Variants in SYNE2 observed in about 807,000 individuals in gnomAD.
SYNE2 encodes spectrin repeat containing nuclear envelope protein 2.
In SYNE2, 431 loss-of-function variants were observed where a neutral mutation model predicts 856.3. The observed-to-expected ratio is 0.50, with a 90% CI of 0.47 to 0.55. The LOEUF is 0.55. Among genes scored for constraint, SYNE2 ranks in the 20% least tolerant of loss-of-function variants. The pLI is 0.00. For missense variants in SYNE2, 8,129 were observed against 8,023.2 expected, an observed-to-expected ratio of 1.01 and a Z score of -0.50; for synonymous variants, 2,923 against 2,872.3, an observed-to-expected ratio of 1.02 and a Z score of -0.56.
intron 51 of SYNE2, among the ~76,000 whole-genome samples, chr14:64,070,018 C>A (rs1270826699): frequency 1.3e-5 from 2 of 152,078 alleles, no homozygotes; most frequent in Non-Finnish European, 1.5e-5. Flanking sequence ...GATTCAGGGG[C>A]CTTTGAGACT....
intron 1 of SYNE2, among the ~76,000 whole-genome samples, chr14:63,809,271 A>C (rs1235397783): frequency 1.3e-5 from 2 of 152,094 alleles, no homozygotes; most frequent in East Asian, 3.8e-4. Flanking sequence ...GTATTTTATC[A>C]AAATAATGCC....
intron 22 of SYNE2, 104 bp downstream of exon 22, chr14:63,994,073 C>G: frequency 1.7e-6 from 2 of 1,185,586 alleles, no homozygotes; most frequent in Non-Finnish European, 2.5e-6. Flanking sequence ...CGTTGTATCA[C>G]CAGTGGGCTG....
At chr14:63,809,643 G>A (rs1452575163) in intron 1 of SYNE2, among the ~76,000 whole-genome samples, 1 of 152,100 alleles carries the variant, frequency 6.6e-6, no homozygotes, top group Non-Finnish European at 1.5e-5. Context: ...GGGACTCTAG[G>A]CACATGCCAC....
intron 10 of SYNE2, among the ~76,000 whole-genome samples, chr14:63,965,119 G>T (rs870023): frequency 0.43 from 64,884 of 151,516 alleles, 14,820 homozygotes; most frequent in African/African-American, 0.59. Flanking sequence ...TCCGCCACCA[G>T]GCCCGGCTAA....
chr14:64,063,154 T>A (rs963887450), intron 50 of SYNE2, among the ~76,000 whole-genome samples: 1 of 152,182 alleles, frequency 6.6e-6, no homozygotes, highest in African/African-American at 2.4e-5. Context: ...AGTGATTTGA[T>A]TCTCCTGCCT....
chr14:63,895,132 GTC>G (rs1176592981), intron 1 of SYNE2, among the ~76,000 whole-genome samples: 3 of 147,778 alleles, frequency 2.0e-5, no homozygotes, highest in Non-Finnish European at 4.5e-5. Context: ...TTGAGATGAA[GTC>G]TCTCTCTGTT....
Position 63,981,065 on chromosome 14 carries a change from T to G in SYNE2, c.1728T>G (p.Asn576Lys). 1 of 1,600,488 alleles carries G rather than the reference T, an allele frequency of 6.2e-7. No individual in the cohort carries two copies. Among genetic ancestry groups the G allele is most frequent in the Non-Finnish European group, 8.6e-7 (1 of 1,167,824 alleles). ...DVCMYRKNIYNVKSTLQKVLA... is the reference protein window; with the variant it reads ...DVCMYRKNIYKVKSTLQKVLA... ...GTATGTATAGAAAAAATATATATAA[T>G]GTGAAGTCCACTCTACAAAAAGTGC... Residue 576 changes from asparagine (N) to lysine (K), a missense_variant, in exon 16 of 116, where the codon AAT (asparagine) becomes AAG (lysine). This residue lies in a region of SYNE2 where 2,422 missense variants were observed against 2,357.4 expected (regional missense o/e 1.03). Coordinates refer to ENST00000555002, the MANE Select transcript of SYNE2 (RefSeq NM_182914.3).
chr14:64,064,707 CCAT>C (rs1305969670), intron 50 of SYNE2, among the ~76,000 whole-genome samples: 1 of 151,870 alleles, frequency 6.6e-6, no homozygotes, highest in Admixed American at 6.6e-5. Flanking sequence ...GCATACACCA[CCAT>C]GCCTGGTTAA....
intron 83 of SYNE2, among the ~76,000 whole-genome samples, chr14:64,144,863 C>T (rs1397236286): frequency 6.6e-6 from 1 of 151,340 alleles, no homozygotes; most frequent in Non-Finnish European, 1.5e-5. Context: ...CCTTAATTCT[C>T]ACTCTAGGGG....
At chr14:64,137,485 A>G (rs2098103490) in intron 78 of SYNE2, among the ~76,000 whole-genome samples, 1 of 152,224 alleles carries the variant, frequency 6.6e-6, no homozygotes, top group Admixed American at 6.5e-5. Flanking sequence ...TGCAGACCTC[A>G]GGTGATCTGC....
Position 64,141,473 on chromosome 14 carries a change from T to A in SYNE2, c.15109T>A (p.Trp5037Arg). Residue 5037 changes from tryptophan to arginine, a missense_variant, in exon 81 of 116, where the codon TGG becomes AGG. Transcript: ENST00000555002. ...RASLAQFEQK[W>R]TMLITQLPDI... is the part of the protein sequence containing the mutation. ...TTCTTTAGCACAGTTTGAACAAAAA[T>A]GGACAATGCTCATAACTCAACTTCC... 2 of 1,614,076 alleles carry A rather than the reference T, an allele frequency of 1.2e-6. No individual in the cohort carries two copies. The highest frequency in any genetic ancestry group is 1.7e-6 in the Non-Finnish European group (2 of 1,179,972).
chr14:64,101,781 A>G, intron 63 of SYNE2, 151 bp from the exon 64 acceptor site: 1 of 658,452 alleles, frequency 1.5e-6, no homozygotes, highest in Non-Finnish European at 2.7e-6. Context: ...AAAAAAATAC[A>G]GATAAAAAAA....
rs749962041 is a variant in SYNE2 at position 63,964,050 on chromosome 14, G to A, written c.990+50G>A. 9 of 1,159,742 alleles carry A rather than the reference G, an allele frequency of 7.8e-6. No homozygotes were observed. The Admixed American group carries it at 1.7e-4, about 22-fold the overall frequency. The allele number at this position is 1,159,742 out of a possible 1,614,324, so 71.8% of individuals were successfully genotyped here. A position where few individuals can be genotyped will look rare whatever the true frequency, so the allele number is the denominator to read the frequency against. On this transcript the variant is annotated intron_variant, in intron 10 of 115. Coordinates refer to ENST00000555002, the MANE Select transcript of SYNE2 (RefSeq NM_182914.3). ...TTGTAATTTACCTTTTAAGAGTTGA[G>A]CGTAAGTATGTTTTTAGAAAACTCT...
chr14:64,162,505 C>T, intron 88 of SYNE2: 1 of 575,888 alleles, frequency 1.7e-6, no homozygotes, highest in South Asian at 1.9e-5. Flanking sequence ...TCACCTCGTT[C>T]CAAGTCTGTG....
intron 47 of SYNE2, among the ~76,000 whole-genome samples, chr14:64,050,341 A>C (rs780369683): frequency 3.3e-5 from 5 of 152,214 alleles, no homozygotes; most frequent in Non-Finnish European, 5.9e-5. Context: ...ATTAGGTTTC[A>C]AAATATGAAT....
rs905778936 is a variant in SYNE2, at chr14:63,853,101, G to C, written c.-94G>C. 6.6e-6 allele frequency: 1 copy of C among 151,716 alleles called. No individual in the cohort carries two copies. Among genetic ancestry groups the C allele is most frequent in the Non-Finnish European group, 1.5e-5 (1 of 67,918 alleles). 9.4% of individuals were successfully genotyped at this position (151,716 alleles called of 1,614,324 possible). On this transcript the variant is annotated 5_prime_UTR_variant, in exon 1 of 116. Transcript: ENST00000555002. ...GCCAGGCAAGCGGGGCGCCGACCTC[G>C]GGCGGCCCCGGCCCGCGCCCTTGCC...
At chr14:64,058,164 A>G (rs1016173314) in intron 49 of SYNE2, among the ~76,000 whole-genome samples, 5 of 152,130 alleles carry the variant, frequency 3.3e-5, no homozygotes, top group African/African-American at 9.7e-5. Context: ...GTCTGTGCCT[A>G]TGGGGTATTA....
upstream of SYNE2, chr14:63,848,327 C>T (rs1890300331): frequency 6.6e-6 from 1 of 152,212 alleles, no homozygotes; most frequent in South Asian, 2.1e-4. Context: ...TGGTTGTGAT[C>T]AATTAGTTGT....
intron 84 of SYNE2, among the ~76,000 whole-genome samples, chr14:64,150,183 C>G (rs1283447110): frequency 6.9e-6 from 1 of 145,654 alleles, no homozygotes; most frequent in Non-Finnish European, 1.5e-5. Context: ...GTAGCCTCAG[C>G]TACTTGGGAG....
Sources: gnomAD v4.1 joint callset for allele counts (sites outside exome capture counted in the v4.1 genomes callset) on GRCh38, gnomAD v4.1.1 for gene constraint, gnomAD v4.1.1 regional missense constraint, MANE v1.5 for transcripts, NCBI Gene and HGNC (gene_info 2026-07-23, HGNC 2026-07-21) for gene names.